The following MICU1 variants were observed in gnomAD, a reference collection of about 807,000 sequenced individuals.
The protein encoded by MICU1 is mitochondrial calcium uptake 1, also known as calcium uptake protein 1, mitochondrial.
A neutral mutation model predicts 56.8 loss-of-function variants in MICU1; 45 were observed. The ratio of observed to expected loss-of-function variants is 0.79; its 90% CI spans 0.62 to 1.02. MICU1 has a LOEUF of 1.02. MICU1 is among the 50% of genes least tolerant of loss of function. The pLI is 0.00. For synonymous variants in MICU1, 186 were observed against 195.1 expected, an observed-to-expected ratio of 0.95 and a Z score of 0.39; for missense variants, 504 against 587.1, an observed-to-expected ratio of 0.86 and a Z score of 1.46.
At chr10:72,513,453 A>C (rs1352745512) in intron 5 of MICU1, among the ~76,000 whole-genome samples, 1 of 152,052 alleles carries the variant, frequency 6.6e-6, no homozygotes, top group Non-Finnish European at 1.5e-5. Flanking sequence ...TATATTCTGG[A>C]TATTAGATCC....
intron 1 of MICU1, among the ~76,000 whole-genome samples, chr10:72,603,960 T>C (rs1468104612): frequency 3.9e-5 from 6 of 152,196 alleles, no homozygotes; most frequent in African/African-American, 1.4e-4. Context: ...AGTTAAGTTC[T>C]GTGGCAGAAA....
At chr10:72,435,845 C>T (rs7893367) in intron 8 of MICU1, among the ~76,000 whole-genome samples, 13,233 of 152,332 alleles carry the variant, frequency 0.087, 1,625 homozygotes, top group African/African-American at 0.26. Context: ...GGAGAGGTGT[C>T]CACCATTGCT....
intron 1 of MICU1, among the ~76,000 whole-genome samples, chr10:72,595,050 T>G (rs1322637383): frequency 6.6e-6 from 1 of 151,816 alleles, no homozygotes; most frequent in Non-Finnish European, 1.5e-5. Flanking sequence ...TCCATATAAA[T>G]TTATGAACAC....
intron 8 of MICU1, among the ~76,000 whole-genome samples, chr10:72,440,707 AAAAC>A (rs1277484848): frequency 6.6e-6 from 1 of 152,202 alleles, no homozygotes; most frequent in Non-Finnish European, 1.5e-5. Context: ...TTACAAGAAG[AAAAC>A]AAACAATCCC....
At chr10:72,477,318 G>GA (rs1866155624) in intron 6 of MICU1, 62 bp from the exon 7 acceptor site, 1 of 1,357,508 alleles carries the variant, frequency 7.4e-7, no homozygotes, top group African/African-American at 1.5e-5. Flanking sequence ...CCTTTTTAAA[G>GA]AAAAACAAAA....
chr10:72,412,326 T>C (rs1442893416), intron 9 of MICU1, among the ~76,000 whole-genome samples: 4 of 152,198 alleles, frequency 2.6e-5, no homozygotes, highest in Non-Finnish European at 1.5e-5. Context: ...GCAGACATAA[T>C]AATCAAAAGG....
chr10:72,454,764 CAG>C (rs1299084159), intron 8 of MICU1, among the ~76,000 whole-genome samples: 1 of 135,412 alleles, frequency 7.4e-6, no homozygotes, highest in African/African-American at 2.8e-5. Flanking sequence ...GCCTGGGTGA[CAG>C]AGCGAAACTC....
At chr10:72,586,018 T>TC (rs1841047478) in intron 1 of MICU1, among the ~76,000 whole-genome samples, 2 of 130,880 alleles carry the variant, frequency 1.5e-5, no homozygotes, top group African/African-American at 2.8e-5. Context: ...TTTTTCTTTT[T>TC]TTTTTTTTTT....
At chr10:72,436,858 A>T (rs1309782538) in intron 8 of MICU1, among the ~76,000 whole-genome samples, 2 of 152,152 alleles carry the variant, frequency 1.3e-5, no homozygotes, top group African/African-American at 4.8e-5. Flanking sequence ...AGATAAGAGT[A>T]AAAAAACGAA....
chr10:72,588,337 T>TA (rs397732187), intron 1 of MICU1, among the ~76,000 whole-genome samples: 47 of 151,610 alleles, frequency 3.1e-4, no homozygotes, highest in Non-Finnish European at 4.6e-4. Context: ...TTTTTTTTTT[T>TA]ATAGCAGTGC....
At chr10:72,375,741 G>C in intron 11 of MICU1, 42 bp downstream of exon 11, 1 of 1,577,932 alleles carries the variant, frequency 6.3e-7, no homozygotes. Context: ...TCTAAGGGCA[G>C]CTAGGCTGTT....
At chr10:72,398,575 A>T (rs1863345094) in intron 10 of MICU1, among the ~76,000 whole-genome samples, 1 of 152,206 alleles carries the variant, frequency 6.6e-6, no homozygotes, top group South Asian at 2.1e-4. Flanking sequence ...AAGAGAGAAG[A>T]ATCAAATAGA....
chr10:72,439,302 CAT>C (rs1367727808), intron 8 of MICU1, among the ~76,000 whole-genome samples: 3 of 152,176 alleles, frequency 2.0e-5, no homozygotes, highest in Non-Finnish European at 2.9e-5. Context: ...ACAAAAACCA[CAT>C]GATTATCTCA....
chr10:72,471,658 T>C (rs1285700112), intron 8 of MICU1, among the ~76,000 whole-genome samples: 2 of 151,752 alleles, frequency 1.3e-5, no homozygotes. Context: ...TTTAACTACA[T>C]TTTTTGGACC....
At chr10:72,517,733 T>G (rs1230799258) in intron 5 of MICU1, among the ~76,000 whole-genome samples, 3 of 151,540 alleles carry the variant, frequency 2.0e-5, no homozygotes, top group Non-Finnish European at 4.4e-5. Context: ...AAGAACTTAC[T>G]CATGGAACCA....
At chr10:72,616,600 A>T (rs1442241838) in intron 1 of MICU1, among the ~76,000 whole-genome samples, 1 of 151,914 alleles carries the variant, frequency 6.6e-6, no homozygotes, top group Non-Finnish European at 1.5e-5. Context: ...AAAAAAAAAA[A>T]AAAGACTCTA....
In MICU1 at chr10:72,588,583, C is replaced by T. The variant is rs571356178; in HGVS notation, c.-1-21789G>A. ...GTTAGTGTAGTTAGACAACAAAACT[C>T]AGTTAGACATAAAAATTGGTAAAGA... On this transcript the variant is annotated intron_variant, in intron 1 of 11. Transcript: ENST00000361114. 3.3e-5 allele frequency among the ~76,000 whole-genome samples: 5 copies of T among 152,264 alleles called. No individual in the cohort carries two copies. In the East Asian group the frequency reaches 7.7e-4, roughly 24 times the overall value.
At chr10:72,558,690 C>T (rs1458977043) in intron 3 of MICU1, among the ~76,000 whole-genome samples, 1 of 152,026 alleles carries the variant, frequency 6.6e-6, no homozygotes. Context: ...AATATAAGGC[C>T]TACTTCTGAA....
chr10:72,602,774 TA>T (rs1841574765), intron 1 of MICU1, among the ~76,000 whole-genome samples: 1 of 152,102 alleles, frequency 6.6e-6, no homozygotes, highest in Non-Finnish European at 1.5e-5. Context: ...AATTTAGAAA[TA>T]AAAATATGAA....
Sources: gnomAD v4.1 joint callset for allele counts (sites outside exome capture counted in the v4.1 genomes callset) on GRCh38, gnomAD v4.1.1 for gene constraint, MANE v1.5 for transcripts, NCBI Gene and HGNC (gene_info 2026-07-23, HGNC 2026-07-21) for gene names.